Variants in DGKI observed in about 807,000 individuals in gnomAD.
DGKI encodes the protein DAG kinase iota.
Under a neutral mutation model 147.5 loss-of-function variants are expected in DGKI, and 55 were observed. That is an observed-to-expected ratio of 0.37 (90% CI 0.30 to 0.47). DGKI has a LOEUF of 0.47. Among genes scored for constraint, DGKI ranks in the 20% least tolerant of loss-of-function variants. DGKI has a pLI of 1.00. For synonymous variants in DGKI, 469 were observed against 477.1 expected, an observed-to-expected ratio of 0.98 and a Z score of 0.22; for missense variants, 1,007 against 1,323.8, an observed-to-expected ratio of 0.76 and a Z score of 3.71.
rs1811085005 is a variant in DGKI, at chr7:137,382,555, C to T, written c.*8665G>A. 6.6e-6 allele frequency: 1 copy of T among 152,048 alleles called. No individual in the cohort carries two copies. The highest frequency in any genetic ancestry group is 2.4e-5 in the African/African-American group (1 of 41,428). 9.4% of individuals were successfully genotyped at this position (152,048 alleles called of 1,614,324 possible). ...AACTGAAATTTTCACAACTAATACC[C>T]CTTGAAGCCACTTTGAACAAATTTA... On this transcript the variant is annotated 3_prime_UTR_variant, in exon 33 of 33. Transcript: ENST00000614521.
At chr7:137,478,503 T>C (rs1815256527) in intron 23 of DGKI, among the ~76,000 whole-genome samples, 1 of 152,234 alleles carries the variant, frequency 6.6e-6, no homozygotes, top group South Asian at 2.1e-4. Flanking sequence ...CTGAATTTTC[T>C]CTAATTAGTG....
intron 32 of DGKI, among the ~76,000 whole-genome samples, chr7:137,394,938 C>G (rs1811493079): frequency 6.6e-6 from 1 of 152,142 alleles, no homozygotes; most frequent in South Asian, 2.1e-4. Flanking sequence ...AGCTACTGGT[C>G]CAAGGGTATG....
rs529483856 is a variant in DGKI, at chr7:137,555,950, A to C, written c.1948-3382T>G. Among the ~76,000 whole-genome samples the C allele has an allele frequency of 6.1e-5, 9 of 147,428 alleles. No individual in the cohort carries two copies. In the East Asian group the frequency reaches 9.9e-4, roughly 16 times the overall value. On this transcript the variant is annotated intron_variant, in intron 19 of 32. Coordinates refer to ENST00000614521, the MANE Select transcript of DGKI (RefSeq NM_001321708.2). ...AAAAATTTTATCCTAAATTATATTC[A>C]TGATCATAATGCCAAAATCATTTAA...
At chr7:137,651,866 C>T (rs1822038911) in intron 5 of DGKI, among the ~76,000 whole-genome samples, 1 of 152,008 alleles carries the variant, frequency 6.6e-6, no homozygotes, top group African/African-American at 2.4e-5. Flanking sequence ...TTTTGAGAGA[C>T]TGGATAAGGA....
chr7:137,841,081 C>T (rs1291164392), intron 1 of DGKI, among the ~76,000 whole-genome samples: 2 of 152,210 alleles, frequency 1.3e-5, no homozygotes, highest in African/African-American at 4.8e-5. Flanking sequence ...CTGAGATTAG[C>T]AGAAAGATGC....
chr7:137,461,809 T>C (rs753353436), intron 27 of DGKI, among the ~76,000 whole-genome samples: 10 of 152,136 alleles, frequency 6.6e-5, no homozygotes, highest in Non-Finnish European at 1.5e-4. Flanking sequence ...GTAGTATAAA[T>C]GACTGCAAAA....
chr7:137,594,634 T>C (rs1819726546), intron 12 of DGKI, among the ~76,000 whole-genome samples: 1 of 152,174 alleles, frequency 6.6e-6, no homozygotes, highest in African/African-American at 2.4e-5. Context: ...ATACCTTGTG[T>C]CAAATATATA....
intron 1 of DGKI, among the ~76,000 whole-genome samples, chr7:137,714,900 G>A (rs1563163303): frequency 6.6e-6 from 1 of 152,084 alleles, no homozygotes; most frequent in Non-Finnish European, 1.5e-5. Context: ...AAAAGTAATC[G>A]CTCATTTCTA....
chr7:137,623,609 C>A, intron 6 of DGKI, 55 bp from the exon 7 acceptor site: 1 of 1,496,352 alleles, frequency 6.7e-7, no homozygotes, highest in Non-Finnish European at 9.3e-7. Flanking sequence ...TTACAGCGCA[C>A]ATTTGCCCTC....
chr7:137,523,091 G>A (rs951223470), intron 20 of DGKI, among the ~76,000 whole-genome samples: 5 of 152,018 alleles, frequency 3.3e-5, no homozygotes, highest in East Asian at 3.9e-4. Context: ...CGGAGGGAGA[G>A]AGGAAGGGAG....
chr7:137,474,823 C>T (rs1047831032), intron 23 of DGKI, among the ~76,000 whole-genome samples: 6 of 152,130 alleles, frequency 3.9e-5, no homozygotes, highest in African/African-American at 1.4e-4. Context: ...GGAAGCACAC[C>T]AGCTTTGAGA....
intron 1 of DGKI, among the ~76,000 whole-genome samples, chr7:137,721,750 G>A (rs1171681848): frequency 1.3e-5 from 2 of 152,174 alleles, no homozygotes; most frequent in African/African-American, 4.8e-5. Flanking sequence ...TCTGGCCATT[G>A]CTTAATAACC....
At chr7:137,700,171 G>A (rs1823928015) in intron 1 of DGKI, among the ~76,000 whole-genome samples, 1 of 152,172 alleles carries the variant, frequency 6.6e-6, no homozygotes, top group South Asian at 2.1e-4. Flanking sequence ...GTGTATCAGT[G>A]CCAGTTGTAT....
At chr7:137,730,332 C>A (rs1206149607) in intron 1 of DGKI, among the ~76,000 whole-genome samples, 1 of 152,104 alleles carries the variant, frequency 6.6e-6, no homozygotes, top group Non-Finnish European at 1.5e-5. Context: ...TGGTTCACCT[C>A]TGAACACAGC....
At chr7:137,564,579 A>AAG (rs1554431990) in intron 19 of DGKI, among the ~76,000 whole-genome samples, 6 of 152,182 alleles carry the variant, frequency 3.9e-5, no homozygotes, top group Admixed American at 6.5e-5. Flanking sequence ...TTTTAAAAAA[A>AAG]ACAAAATGGT....
chr7:137,642,928 TAGTGTGTG>T, intron 6 of DGKI, among the ~76,000 whole-genome samples: 1 of 46,192 alleles, frequency 2.2e-5, no homozygotes, highest in African/African-American at 7.0e-5. Flanking sequence ...AATTATGGAA[TAGTGTGTG>T]TGTGTGTGTG....
intron 6 of DGKI, among the ~76,000 whole-genome samples, chr7:137,628,955 T>C (rs1313849512): frequency 6.6e-6 from 1 of 152,226 alleles, no homozygotes; most frequent in Non-Finnish European, 1.5e-5. Flanking sequence ...TTAACTTTGT[T>C]TGGGGTGAGA....
intron 1 of DGKI, among the ~76,000 whole-genome samples, chr7:137,762,227 T>A (rs1795878484): frequency 6.6e-6 from 1 of 152,160 alleles, no homozygotes; most frequent in Non-Finnish European, 1.5e-5. Context: ...CAAACTTAAC[T>A]AGCGATCTTC....
At chr7:137,721,864 G>A (rs1794567076) in intron 1 of DGKI, 1 of 634,162 alleles carries the variant, frequency 1.6e-6, no homozygotes, top group Admixed American at 3.1e-5. Context: ...TGGCACACAT[G>A]GTTCCATTTG....
Sources: gnomAD v4.1 joint callset for allele counts (sites outside exome capture counted in the v4.1 genomes callset) on GRCh38, gnomAD v4.1.1 for gene constraint, MANE v1.5 for transcripts, NCBI Gene and HGNC (gene_info 2026-07-23, HGNC 2026-07-21) for gene names.